GALNT13: variants seen among roughly 807,000 people sequenced by gnomAD.
The protein encoded by GALNT13 is polypeptide N-acetylgalactosaminyltransferase 13.
A neutral mutation model predicts 64.2 loss-of-function variants in GALNT13; 28 were observed. The ratio of observed to expected loss-of-function variants is 0.44; its 90% confidence interval spans 0.32 to 0.60. GALNT13 has a LOEUF of 0.60. GALNT13 is among the 20% of genes least tolerant of loss of function. GALNT13 has a pLI of 0.05. For synonymous variants in GALNT13, 214 were observed against 224.6 expected (o/e 0.95, Z 0.42); for missense variants, 577 against 669.8 (o/e 0.86, Z 1.53).
downstream of GALNT13, among the ~76,000 whole-genome samples, chr2:154,455,097 A>G (rs775957410): frequency 6.6e-5 from 10 of 152,182 alleles, no homozygotes; most frequent in Non-Finnish European, 1.2e-4. Flanking sequence ...ACAGTCTAAT[A>G]AAAAGGAAAA....
chr2:153,726,492 A>G, the GALNT13 span, among the ~76,000 whole-genome samples: 1 of 152,196 alleles, frequency 6.6e-6, no homozygotes, highest in Non-Finnish European at 1.5e-5. Context: ...GATAAAATGT[A>G]CTCCATTCTA....
At chr2:153,548,050 T>G in the GALNT13 span, among the ~76,000 whole-genome samples, 1 of 152,230 alleles carries the variant, frequency 6.6e-6, no homozygotes, top group Non-Finnish European at 1.5e-5. Context: ...GTCCATATTC[T>G]CACAGGAAGA....
the GALNT13 span, among the ~76,000 whole-genome samples, chr2:153,163,600 T>C: frequency 6.6e-6 from 1 of 152,070 alleles, no homozygotes; most frequent in East Asian, 1.9e-4. Context: ...CTGATTTCCT[T>C]GAGGTCACAA....
the GALNT13 span, among the ~76,000 whole-genome samples, chr2:153,125,568 A>C: frequency 6.6e-6 from 1 of 152,220 alleles, no homozygotes; most frequent in Non-Finnish European, 1.5e-5. Flanking sequence ...GATTTTAAGT[A>C]TGCAGGCATA....
chr2:154,268,630 G>A (rs1029778205), intron 8 of GALNT13, among the ~76,000 whole-genome samples: 3 of 152,040 alleles, frequency 2.0e-5, no homozygotes, highest in Non-Finnish European at 4.4e-5. Flanking sequence ...CACACAGAGA[G>A]AGAGACAGAG....
chr2:153,365,672 T>C, the GALNT13 span, among the ~76,000 whole-genome samples: 1 of 152,098 alleles, frequency 6.6e-6, no homozygotes. Context: ...ATTAGAGAAA[T>C]GCAAATCAAA....
intron 9 of GALNT13, among the ~76,000 whole-genome samples, chr2:154,326,564 C>T (rs944314025): frequency 3.9e-5 from 6 of 152,016 alleles, no homozygotes; most frequent in Non-Finnish European, 8.8e-5. Flanking sequence ...TTTCTGCCAA[C>T]ATCAATATGA....
chr2:153,355,474 G>A, the GALNT13 span, among the ~76,000 whole-genome samples: 10 of 152,080 alleles, frequency 6.6e-5, no homozygotes, highest in Non-Finnish European at 1.5e-4. Flanking sequence ...TTAGAACATA[G>A]ATATTTCAGT....
chr2:153,237,692 G>T, the GALNT13 span, among the ~76,000 whole-genome samples: 3 of 151,880 alleles, frequency 2.0e-5, no homozygotes, highest in Non-Finnish European at 4.4e-5. Context: ...ATGGGACTCT[G>T]CTGTGTATAT....
rs1309724159 is a variant in GALNT13, at chr2:154,396,046, T to A, written c.1212T>A (p.Asn404Lys). The A allele has an allele frequency of 1.2e-6, 2 of 1,611,082 alleles. No homozygotes were observed. The highest frequency in any genetic ancestry group is 2.2e-5 in the South Asian group (2 of 90,742). ...CAGTCAGAAAAACACTAAGAGAAAA[T>A]CTGAAGTGTAAGCCCTTTTCTTGGT... ...DVSVRKTLRE[N>K]LKCKPFSWYL... Residue 404 changes from asparagine to lysine, a missense_variant, in exon 10 of 13, where the codon AAT becomes AAA. By Grantham distance (94) the Asn-to-Lys change is moderately conservative. This residue lies in a region of GALNT13 where 232 missense variants were observed against 270.6 expected (regional missense o/e 0.86). Transcript: ENST00000392825.
In GALNT13 at chr2:153,976,587, A is replaced by ATGGGT. The variant is rs536502945; in HGVS notation, c.142+31951_142+31955dup. 2.0e-5 allele frequency among the ~76,000 whole-genome samples: 3 copies of ATGGGT among 152,280 alleles called. No individual in the cohort carries two copies. The South Asian group carries it at 6.2e-4, about 32-fold the overall frequency. On this transcript the variant is annotated intron_variant, in intron 3 of 12. Transcript: ENST00000392825. ...CTAAAGAACAAGCTATATTGGAATC[A>ATGGGT]TGGGTTGAGTGAATAAAACATTTGG...
the GALNT13 span, among the ~76,000 whole-genome samples, chr2:153,093,389 C>A: frequency 1.3e-5 from 2 of 151,854 alleles, no homozygotes; most frequent in Non-Finnish European, 2.9e-5. Flanking sequence ...CAGATGCATG[C>A]CACCATGCCT....
the GALNT13 span, among the ~76,000 whole-genome samples, chr2:153,217,435 ACTT>A: frequency 5.1e-3 from 768 of 151,942 alleles, 1 homozygote; most frequent in Non-Finnish European, 7.4e-3. Flanking sequence ...TCTCATTCTT[ACTT>A]CTTCTGTGAT....
the GALNT13 span, among the ~76,000 whole-genome samples, chr2:153,736,060 T>C: frequency 6.6e-6 from 1 of 152,208 alleles, no homozygotes; most frequent in African/African-American, 2.4e-5. Context: ...CATCAGATAA[T>C]GTTTTTTAGT....
intron 3 of GALNT13, among the ~76,000 whole-genome samples, chr2:154,039,233 A>G (rs147629906): frequency 3.3e-5 from 5 of 152,136 alleles, no homozygotes; most frequent in African/African-American, 1.2e-4. Context: ...TAGAACTACC[A>G]TATGATCCAG....
chr2:154,435,624 T>G (rs1288718342), intron 11 of GALNT13, among the ~76,000 whole-genome samples: 2 of 152,188 alleles, frequency 1.3e-5, no homozygotes, highest in African/African-American at 2.4e-5. Context: ...TCGGGACTTG[T>G]GTAGTGGCCA....
intron 11 of GALNT13, 85 bp downstream of exon 11, chr2:154,409,167 A>C (rs749980552): frequency 1.2e-6 from 1 of 841,148 alleles, no homozygotes; most frequent in East Asian, 2.5e-5. Flanking sequence ...TCACATGTTA[A>C]TAACTATAAA....
At chr2:154,145,068 CTCTCTA>C (rs1343834982) in intron 4 of GALNT13, among the ~76,000 whole-genome samples, 3 of 105,414 alleles carry the variant, frequency 2.8e-5, no homozygotes, top group African/African-American at 1.1e-4. Flanking sequence ...CTCTCTCTCT[CTCTCTA>C]TCTATCTATC....
the GALNT13 span, chr2:153,478,576 GGCGGGCGCC>G: frequency 2.6e-6 from 4 of 1,544,512 alleles, no homozygotes; most frequent in Non-Finnish European, 3.5e-6. Context: ...CGCAGGAACG[GGCGGGCGCC>G]GCGAGCGGCG....
Sources: gnomAD v4.1 joint callset for allele counts (sites outside exome capture counted in the v4.1 genomes callset) on GRCh38, gnomAD v4.1.1 for gene constraint, gnomAD v4.1.1 regional missense constraint, MANE v1.5 for transcripts, NCBI Gene and HGNC (gene_info 2026-07-23, HGNC 2026-07-21) for gene names.